GLRB: variants seen among roughly 807,000 people sequenced by gnomAD.
GLRB encodes the protein glycine receptor beta.
Under a neutral mutation model 54.2 loss-of-function variants are expected in GLRB, and 33 were observed. That is an observed-to-expected ratio of 0.61 (90% CI 0.46 to 0.81). GLRB has a LOEUF of 0.81. GLRB is among the 40% of genes least tolerant of loss of function. The pLI, the probability that GLRB is intolerant of heterozygous loss-of-function variation, is 0.00. For missense variants in GLRB, 572 were observed against 584.6 expected (o/e 0.98, Z 0.22); for synonymous variants, 209 against 208.2 (o/e 1.00, Z -0.03).
chr4:157,155,639 T>C (rs1382771055), intron 9 of GLRB, among the ~76,000 whole-genome samples: 3 of 152,236 alleles, frequency 2.0e-5, no homozygotes, highest in Non-Finnish European at 4.4e-5. Flanking sequence ...TGGCTTCTGA[T>C]GAAAACTAAT....
At chr4:157,101,547 T>C (rs1735025484) in intron 2 of GLRB, among the ~76,000 whole-genome samples, 1 of 152,100 alleles carries the variant, frequency 6.6e-6, no homozygotes, top group Non-Finnish European at 1.5e-5. Context: ...GAGAAAGTTC[T>C]CCTTTGTTTC....
chr4:157,076,637 GT>G (rs1734041715), intron 1 of GLRB: 1 of 152,222 alleles, frequency 6.6e-6, no homozygotes, highest in Non-Finnish European at 1.5e-5. Flanking sequence ...CAATGCAGCT[GT>G]CCCCCTTGAA....
chr4:157,158,432 C>T (rs1737325815), intron 9 of GLRB, among the ~76,000 whole-genome samples: 1 of 152,118 alleles, frequency 6.6e-6, no homozygotes, highest in South Asian at 2.1e-4. Flanking sequence ...ATGGTATTGC[C>T]TAGGTTTTCT....
At chr4:157,141,716 A>T (rs1736619144) in intron 7 of GLRB, among the ~76,000 whole-genome samples, 1 of 152,048 alleles carries the variant, frequency 6.6e-6, no homozygotes, top group African/African-American at 2.4e-5. Flanking sequence ...TCAAAAAAAG[A>T]TCAAGAAATG....
intron 2 of GLRB, among the ~76,000 whole-genome samples, chr4:157,096,001 A>C (rs967540337): frequency 2.6e-5 from 4 of 152,320 alleles, no homozygotes; most frequent in Admixed American, 2.6e-4. Context: ...GGAAGCCCAC[A>C]GTGTGGACTG....
intron 8 of GLRB, among the ~76,000 whole-genome samples, chr4:157,148,033 G>C (rs190957529): frequency 9.9e-4 from 151 of 152,294 alleles, no homozygotes; most frequent in African/African-American, 3.4e-3. Context: ...TATCAGAAGA[G>C]AAGGCAGAGT....
At chr4:157,096,036 G>A in intron 2 of GLRB, among the ~76,000 whole-genome samples, 1 of 152,166 alleles carries the variant, frequency 6.6e-6, no homozygotes, top group Non-Finnish European at 1.5e-5. Flanking sequence ...CTGATGGCTG[G>A]AATTGGGAGT....
chr4:157,080,061 G>A lies in GLRB; in HGVS notation c.122+1915G>A, dbSNP rs1198246644. 4.6e-5 allele frequency among the ~76,000 whole-genome samples: 7 copies of A among 152,034 alleles called. 1 individual carries two copies. Among genetic ancestry groups the A allele is most frequent in the African/African-American group, 1.7e-4 (7 of 41,398 alleles). ...ATCTTATAACTACCATATATATTAC[G>A]AGAGTATTTTAGAGGACATTCTCTT... On this transcript the variant is annotated intron_variant, in intron 2 of 9. Coordinates refer to ENST00000264428, the MANE Select transcript of GLRB (RefSeq NM_000824.5).
intron 2 of GLRB, among the ~76,000 whole-genome samples, chr4:157,099,726 A>G (rs912448657): frequency 6.6e-6 from 1 of 152,202 alleles, no homozygotes; most frequent in Non-Finnish European, 1.5e-5. Context: ...TTTGTATCAT[A>G]GGATATATGT....
At chr4:157,110,062 C>T (rs1029538900) in intron 2 of GLRB, among the ~76,000 whole-genome samples, 3 of 151,884 alleles carry the variant, frequency 2.0e-5, no homozygotes, top group Non-Finnish European at 4.4e-5. Flanking sequence ...AACCTTTCTC[C>T]CCTCCCTGAA....
chr4:157,156,973 T>C (rs1339163874), intron 9 of GLRB, among the ~76,000 whole-genome samples: 3 of 152,184 alleles, frequency 2.0e-5, no homozygotes, highest in African/African-American at 7.2e-5. Context: ...GCTGCTTCAT[T>C]ACTTCCAAGC....
intron 2 of GLRB, among the ~76,000 whole-genome samples, chr4:157,086,871 G>T (rs1006147403): frequency 1.3e-5 from 2 of 152,046 alleles, no homozygotes; most frequent in African/African-American, 4.8e-5. Flanking sequence ...ATGGGCCTAT[G>T]ATTAAAACTG....
chr4:157,097,504 A>G (rs761189239), intron 2 of GLRB, among the ~76,000 whole-genome samples: 3 of 152,196 alleles, frequency 2.0e-5, no homozygotes, highest in Admixed American at 1.3e-4. Flanking sequence ...ATGTTTGCTT[A>G]TAAATTACAA....
At chr4:157,140,634 G>A (rs183781271) in intron 7 of GLRB, among the ~76,000 whole-genome samples, 50 of 151,936 alleles carry the variant, frequency 3.3e-4, no homozygotes, top group Admixed American at 1.0e-3. Context: ...GTACACATTA[G>A]GCTAATGAAA....
chr4:157,111,006 T>G (rs547622177), intron 2 of GLRB, among the ~76,000 whole-genome samples: 1 of 152,120 alleles, frequency 6.6e-6, no homozygotes, highest in African/African-American at 2.4e-5. Context: ...CTGGTGTTTT[T>G]TACGTGCTCA....
intron 9 of GLRB, among the ~76,000 whole-genome samples, chr4:157,155,207 C>A (rs912418138): frequency 2.0e-5 from 3 of 152,146 alleles, no homozygotes; most frequent in Admixed American, 2.0e-4. Flanking sequence ...TCAGCTCATG[C>A]AACCTCCACC....
chr4:157,089,393 A>G (rs1475791375), intron 2 of GLRB, among the ~76,000 whole-genome samples: 2 of 152,164 alleles, frequency 1.3e-5, no homozygotes, highest in Non-Finnish European at 2.9e-5. Context: ...CGACAGAGGG[A>G]GACCCTGTTT....
At position 157,128,495 on chromosome 4, in the gene GLRB, C is replaced by T. The variant is rs1389365229; in HGVS notation, c.297+6098C>T. Among the ~76,000 whole-genome samples the T allele has an allele frequency of 3.3e-5, 5 of 151,798 alleles. No homozygotes were observed. In the East Asian group the frequency reaches 9.7e-4, roughly 29 times the overall value. On this transcript the variant is annotated intron_variant, in intron 4 of 9. Transcript: ENST00000264428. ...ATACTACACAACTTCCTGAACTGAA[C>T]TGTCAACATGATACAGAAGGCATTT...
intron 2 of GLRB, among the ~76,000 whole-genome samples, chr4:157,089,393 AGAC>A (rs1323915361): frequency 6.6e-6 from 1 of 152,164 alleles, no homozygotes; most frequent in Non-Finnish European, 1.5e-5. Flanking sequence ...CGACAGAGGG[AGAC>A]CCTGTTTCAA....
Sources: allele counts gnomAD v4.1 joint callset (sites outside exome capture counted in the v4.1 genomes callset), GRCh38; gene constraint gnomAD v4.1.1; transcripts MANE v1.5; gene names NCBI Gene and HGNC (gene_info 2026-07-23, HGNC 2026-07-21).